EHBP1: variants seen among roughly 807,000 people sequenced by gnomAD.
EHBP1 encodes EH domain-binding protein 1.
A neutral mutation model predicts 144.0 loss-of-function variants in EHBP1; 55 were observed. The observed-to-expected ratio is 0.38, with a 90% CI of 0.31 to 0.48. The LOEUF (loss-of-function observed/expected upper bound fraction) is 0.48, where lower values mean the gene tolerates loss of function less well. Among genes scored for constraint, EHBP1 ranks in the 20% least tolerant of loss-of-function variants. EHBP1 has a pLI of 0.98. For synonymous variants in EHBP1, 469 were observed against 472.7 expected (o/e 0.99, Z 0.10); for missense variants, 1,200 against 1,364.2 (o/e 0.88, Z 1.90).
intron 5 of EHBP1, among the ~76,000 whole-genome samples, chr2:62,805,661 C>T (rs1358152558): frequency 6.6e-6 from 1 of 151,858 alleles, no homozygotes. Flanking sequence ...ACTACAGGTC[C>T]ACACCACCAC....
chr2:62,880,792 T>C (rs1033949100), intron 10 of EHBP1, among the ~76,000 whole-genome samples: 5 of 152,160 alleles, frequency 3.3e-5, no homozygotes, highest in Non-Finnish European at 7.4e-5. Flanking sequence ...GGAATACTTA[T>C]ACACTGCTGG....
chr2:62,834,925 C>T (rs540856807), intron 7 of EHBP1, among the ~76,000 whole-genome samples: 57 of 152,250 alleles, frequency 3.7e-4, no homozygotes, highest in Non-Finnish European at 6.5e-4. Flanking sequence ...TCCATCTCCA[C>T]GAAGGGATGA....
rs1427778663 is a variant in EHBP1 at position 63,045,566 on chromosome 2, G to A, written c.*66G>A. 2 of 1,329,796 alleles carry A rather than the reference G, an allele frequency of 1.5e-6. No homozygotes were observed. The highest frequency in any genetic ancestry group is 4.9e-5 in the East Asian group (2 of 40,962). The allele number at this position is 1,329,796 out of a possible 1,614,324, so 82.4% of individuals were successfully genotyped here. Reference sequence around the variant, plus strand: ...TTGCTTCCCAAACCAGAAAAAGTCAGACTCATTGTTGATTTAAAACTTTTA... The same window carrying A: ...TTGCTTCCCAAACCAGAAAAAGTCAAACTCATTGTTGATTTAAAACTTTTA... On this transcript the variant is annotated 3_prime_UTR_variant, in exon 23 of 23. Transcript: ENST00000431489. The surrounding 1 kb of genome is among the most constrained non-coding windows in gnomAD (Gnocchi z 5.7).
At chr2:62,940,388 A>G (rs889836121) in intron 10 of EHBP1, 1 of 160,820 alleles carries the variant, frequency 6.2e-6, no homozygotes, top group African/African-American at 2.4e-5. Flanking sequence ...TTAAGATCAG[A>G]GAGGAAATGG....
intron 10 of EHBP1, among the ~76,000 whole-genome samples, chr2:62,892,687 A>C (rs951892305): frequency 1.3e-5 from 2 of 152,096 alleles, no homozygotes; most frequent in African/African-American, 4.8e-5. Context: ...CTATTCTCAC[A>C]AATTTATAAT....
At position 62,979,273 on chromosome 2, in the gene EHBP1, A is replaced by C. The variant is rs2058853023; in HGVS notation, c.2546A>C (p.Glu849Ala). The C allele has an allele frequency of 6.2e-7, 1 of 1,614,006 alleles. No individual in the cohort carries two copies. The highest frequency in any genetic ancestry group is 8.5e-7 in the Non-Finnish European group (1 of 1,179,926). ...GCTCGATCTGGAGTGAAGATGTCAG[A>C]ACTTCCCAGCTATGGTGAAATGGCT... The part of the protein sequence containing the change: ...AEARSGVKMS[E>A]LPSYGEMAAE... The change falls in exon 15 of 23, where the codon GAA becomes GCA. Residue 849 changes from glutamate (E) to alanine (A), a missense_variant. Physicochemically the swap from Glu to Ala is moderately radical, Grantham distance 107. Coordinates refer to ENST00000431489, the MANE Select transcript of EHBP1 (RefSeq NM_001142616.3).
chr2:62,775,538 A>C (rs1164507652), intron 5 of EHBP1, among the ~76,000 whole-genome samples: 1 of 152,184 alleles, frequency 6.6e-6, no homozygotes, highest in Non-Finnish European at 1.5e-5. Flanking sequence ...ACAGTTAATA[A>C]AGAAATGTTG....
At chr2:62,836,954 G>A (rs2047313889) in intron 7 of EHBP1, among the ~76,000 whole-genome samples, 1 of 115,368 alleles carries the variant, frequency 8.7e-6, no homozygotes, top group South Asian at 3.4e-4. Context: ...ATCTAGCAAG[G>A]CAGGCCAACG....
chr2:62,782,555 G>A (rs187630789), intron 5 of EHBP1, among the ~76,000 whole-genome samples: 6 of 152,254 alleles, frequency 3.9e-5, no homozygotes, highest in Middle Eastern at 3.4e-3. Flanking sequence ...TGGCTGGGGA[G>A]GCCTCAGGAA....
At chr2:62,874,653 G>A (rs1462153224) in intron 10 of EHBP1, 121 bp downstream of exon 10, 4 of 838,406 alleles carry the variant, frequency 4.8e-6, no homozygotes, top group African/African-American at 1.7e-5. Context: ...TAATATCCAA[G>A]ACAATCTATT....
At chr2:62,904,744 G>A (rs2053665677) in intron 10 of EHBP1, among the ~76,000 whole-genome samples, 1 of 152,160 alleles carries the variant, frequency 6.6e-6, no homozygotes, top group Non-Finnish European at 1.5e-5. Flanking sequence ...CTCCCAGACT[G>A]CCAAAGCAAA....
At chr2:62,731,484 T>C (rs1199564422) in intron 2 of EHBP1, among the ~76,000 whole-genome samples, 1 of 152,212 alleles carries the variant, frequency 6.6e-6, no homozygotes, top group Non-Finnish European at 1.5e-5. Context: ...GCCTTATTCC[T>C]TGGCAGGAAG....
chr2:62,858,812 T>A (rs2049281030), intron 7 of EHBP1, among the ~76,000 whole-genome samples: 1 of 152,224 alleles, frequency 6.6e-6, no homozygotes, highest in Non-Finnish European at 1.5e-5. Context: ...GTTTTTAGAA[T>A]ATTTGCTTAT....
chr2:62,757,226 T>C (rs889805921), intron 3 of EHBP1, among the ~76,000 whole-genome samples: 4 of 151,890 alleles, frequency 2.6e-5, no homozygotes, highest in African/African-American at 9.7e-5. Flanking sequence ...ATCCCTGGGC[T>C]CAGGTGATCC....
chr2:62,783,745 G>A (rs889021502), intron 5 of EHBP1, among the ~76,000 whole-genome samples: 8 of 152,044 alleles, frequency 5.3e-5, no homozygotes, highest in Admixed American at 4.6e-4. Context: ...CAGGCCTCCT[G>A]GCCTGTGATG....
At chr2:62,745,073 T>G (rs1214051992) in intron 2 of EHBP1, among the ~76,000 whole-genome samples, 1 of 152,106 alleles carries the variant, frequency 6.6e-6, no homozygotes, top group East Asian at 1.9e-4. Flanking sequence ...GTTGCAGAGA[T>G]GATGTATTAT....
chr2:62,816,923 T>G (rs1573505958), intron 5 of EHBP1, among the ~76,000 whole-genome samples: 1 of 152,172 alleles, frequency 6.6e-6, no homozygotes, highest in South Asian at 2.1e-4. Context: ...CCGTTCTGGC[T>G]TGGAGAAACC....
intron 1 of EHBP1, among the ~76,000 whole-genome samples, chr2:62,680,561 G>GT (rs1379052664): frequency 9.2e-5 from 14 of 152,252 alleles, no homozygotes; most frequent in Admixed American, 7.2e-4. Flanking sequence ...GCATTGCAGT[G>GT]TTTGCTCATT....
At chr2:62,993,748 A>G (rs2059512909) in intron 17 of EHBP1, 80 bp downstream of exon 17, 4 of 677,284 alleles carry the variant, frequency 5.9e-6, no homozygotes, top group South Asian at 6.3e-5. Context: ...TATATATAGT[A>G]TATATATATA....
Sources: gnomAD v4.1 joint callset for allele counts (sites outside exome capture counted in the v4.1 genomes callset) on GRCh38, gnomAD v4.1.1 for gene constraint, Gnocchi (gnomAD v3.1) non-coding constraint, MANE v1.5 for transcripts, NCBI Gene and HGNC (gene_info 2026-07-23, HGNC 2026-07-21) for gene names.